Variants in KALRN observed in about 807,000 individuals in gnomAD.
The protein encoded by KALRN is kalirin RhoGEF kinase.
In KALRN, 70 loss-of-function variants were observed where a neutral mutation model predicts 353.7. The observed-to-expected ratio is 0.20, with a 90% CI of 0.16 to 0.24. The LOEUF (loss-of-function observed/expected upper bound fraction) is 0.24, where lower values mean the gene tolerates loss of function less well. Ranked by LOEUF, KALRN falls within the 10% of genes least tolerant of loss-of-function variation. The pLI, the probability that KALRN is intolerant of heterozygous loss-of-function variation, is 1.00. For missense variants in KALRN, 2,791 were observed against 3,756.7 expected, an observed-to-expected ratio of 0.74 and a Z score of 6.72; for synonymous variants, 1,391 against 1,434.8, an observed-to-expected ratio of 0.97 and a Z score of 0.69.
chr3:124,410,499 A>G (rs2092055961), intron 13 of KALRN, among the ~76,000 whole-genome samples: 2 of 152,250 alleles, frequency 1.3e-5, no homozygotes, highest in Non-Finnish European at 1.5e-5. Flanking sequence ...TACAATGAAA[A>G]GTTAATTAAC....
rs369251308 is a variant in KALRN, at chr3:124,046,465, G to T, written c.73+12652G>T. ...GGAGCCAAGGTCATCTGCAAGCACT[G>T]GGAGATGCTGTGAGCCTGGGAAGAG... On this transcript the variant is annotated intron_variant, in intron 1 of 59. Transcript: ENST00000682506. Among the ~76,000 whole-genome samples, 3 of 152,214 alleles carry T rather than the reference G, an allele frequency of 2.0e-5. No individual in the cohort carries two copies. The East Asian group carries it at 5.8e-4, about 29-fold the overall frequency.
intron 3 of KALRN, among the ~76,000 whole-genome samples, chr3:124,238,244 A>G (rs1031808365): frequency 6.6e-6 from 1 of 151,276 alleles, no homozygotes; most frequent in African/African-American, 2.4e-5. Flanking sequence ...AGAAAAAAAA[A>G]CAACAAAAAA....
At chr3:124,477,424 T>A in intron 27 of KALRN, 90 bp downstream of exon 27, 1 of 978,154 alleles carries the variant, frequency 1.0e-6, no homozygotes, top group Non-Finnish European at 1.6e-6. Flanking sequence ...TAGCTATCCT[T>A]TTTTCCTAAT....
In KALRN at chr3:124,593,986, C is replaced by T. The variant is rs543257268; in HGVS notation, c.5182+30897C>T. ...GGCATTACAGGTGTGAGCCACCACA[C>T]CCGGCCTCCTCATTACTCTTAAAAG... On this transcript the variant is annotated intron_variant, in intron 34 of 59. Transcript: ENST00000682506. Among the ~76,000 whole-genome samples the T allele has an allele frequency of 1.7e-3, 265 of 152,208 alleles. 1 individual carries two copies. The highest frequency in any genetic ancestry group is 5.7e-3 in the African/African-American group (238 of 41,516).
intron 29 of KALRN, among the ~76,000 whole-genome samples, chr3:124,490,159 A>G (rs2062993005): frequency 6.6e-6 from 1 of 152,168 alleles, no homozygotes. Flanking sequence ...TTGGGAAGCT[A>G]AGCTGGGAGG....
chr3:124,354,927 CA>C (rs1456373435), intron 10 of KALRN, among the ~76,000 whole-genome samples: 2 of 152,142 alleles, frequency 1.3e-5, no homozygotes, highest in Non-Finnish European at 2.9e-5. Context: ...AGAAATGAGC[CA>C]TCATGTTAGT....
intron 21 of KALRN, among the ~76,000 whole-genome samples, chr3:124,447,292 C>T (rs992421265): frequency 6.6e-6 from 1 of 152,172 alleles, no homozygotes. Flanking sequence ...ATTAGAAGGG[C>T]TAGTGACTAT....
chr3:124,432,879 A>G (rs2093333013), intron 16 of KALRN, among the ~76,000 whole-genome samples: 1 of 152,196 alleles, frequency 6.6e-6, no homozygotes, highest in African/African-American at 2.4e-5. Context: ...TAGTCTCGAG[A>G]GGGCATGGCA....
chr3:124,168,298 C>G (rs2071201202), intron 1 of KALRN, among the ~76,000 whole-genome samples: 1 of 152,204 alleles, frequency 6.6e-6, no homozygotes. Flanking sequence ...GCCACTTGCT[C>G]CTGGACCCTC....
At chr3:124,385,134 G>T in intron 11 of KALRN, 98 bp downstream of exon 11, 1 of 978,398 alleles carries the variant, frequency 1.0e-6, no homozygotes. Context: ...GTCCTGGGTA[G>T]TCTGGGGGTT....
intron 1 of KALRN, among the ~76,000 whole-genome samples, chr3:124,135,418 G>A (rs2065813015): frequency 6.6e-6 from 1 of 152,106 alleles, no homozygotes; most frequent in Non-Finnish European, 1.5e-5. Flanking sequence ...TTATAGATAT[G>A]GTGCAGGGTG....
Position 124,632,433 on chromosome 3 carries a change from T to C in KALRN, c.5196T>C (p.His1732=), listed in dbSNP as rs1276339432. The part of the protein sequence containing the change: ...FFPLVKDAYS[H]SSSENGGKSE... Reference sequence around the variant, plus strand: ...CGTTTTCCTCAGATGCATACTCTCATTCCTCAAGCGAGAATGGAGGCAAGT... The same window carrying C: ...CGTTTTCCTCAGATGCATACTCTCACTCCTCAAGCGAGAATGGAGGCAAGT... The change falls in exon 35 of 60, where the codon CAT becomes CAC. Residue 1732 remains histidine (H), a synonymous_variant. Coordinates refer to ENST00000682506, the MANE Select transcript of KALRN (RefSeq NM_001388419.1). 3 of 1,613,770 alleles carry C rather than the reference T, an allele frequency of 1.9e-6. No homozygotes were observed. The highest frequency in any genetic ancestry group is 2.5e-6 in the Non-Finnish European group (3 of 1,179,866).
intron 1 of KALRN, among the ~76,000 whole-genome samples, chr3:124,056,109 A>T (rs185231712): frequency 1.3e-5 from 2 of 152,336 alleles, no homozygotes; most frequent in Admixed American, 1.3e-4. Context: ...CAGGACTTTT[A>T]ACCCTGTGTT....
At chr3:124,249,217 G>A (rs1362514070) in intron 3 of KALRN, among the ~76,000 whole-genome samples, 1 of 152,196 alleles carries the variant, frequency 6.6e-6, no homozygotes, top group Non-Finnish European at 1.5e-5. Context: ...AGATTAATGG[G>A]GTGGGGAATG....
At chr3:124,120,385 G>T (rs1378894173) in intron 1 of KALRN, among the ~76,000 whole-genome samples, 1 of 152,164 alleles carries the variant, frequency 6.6e-6, no homozygotes, top group Non-Finnish European at 1.5e-5. Flanking sequence ...CCCCACAGAT[G>T]AAATATGACT....
chr3:124,550,728 G>A (rs1191937469), intron 33 of KALRN, among the ~76,000 whole-genome samples: 5 of 152,108 alleles, frequency 3.3e-5, no homozygotes, highest in Admixed American at 1.3e-4. Context: ...AGTGGCTCAC[G>A]CCTGTAATCC....
chr3:124,449,859 ATTCGCATG>A, intron 21 of KALRN, among the ~76,000 whole-genome samples: 1 of 59,980 alleles, frequency 1.7e-5, no homozygotes. Flanking sequence ...CATCCATGCT[ATTCGCATG>A]TATCAATCCT....
At chr3:124,633,978 TA>T in intron 36 of KALRN, 25 bp downstream of exon 36, 1 of 1,585,612 alleles carries the variant, frequency 6.3e-7, no homozygotes. Flanking sequence ...CTTGCTCACT[TA>T]AAAGAGCAAC....
chr3:124,465,581 G>C (rs1450746719), intron 25 of KALRN, among the ~76,000 whole-genome samples: 5 of 152,110 alleles, frequency 3.3e-5, no homozygotes, highest in Non-Finnish European at 7.4e-5. Context: ...GAGTTTCTTG[G>C]AAGCTTCTTA....
Sources: allele counts gnomAD v4.1 joint callset (sites outside exome capture counted in the v4.1 genomes callset), GRCh38; gene constraint gnomAD v4.1.1; transcripts MANE v1.5; gene names NCBI Gene and HGNC (gene_info 2026-07-23, HGNC 2026-07-21).